ARSJ: variants seen among roughly 807,000 people sequenced by gnomAD.
The protein encoded by ARSJ is arylsulfatase family member J.
ARSJ carries 26 observed loss-of-function variants against 35.9 expected under a neutral mutation model. The ratio of observed to expected loss-of-function variants is 0.72; its 90% CI spans 0.53 to 1.00. The LOEUF (loss-of-function observed/expected upper bound fraction) is 1.00, where lower values mean the gene tolerates loss of function less well. Among genes scored for constraint, ARSJ ranks in the 50% least tolerant of loss-of-function variants. The pLI is 0.00. For synonymous variants in ARSJ, 294 were observed against 267.6 expected, an observed-to-expected ratio of 1.10 and a Z score of -0.96; for missense variants, 667 against 723.6, an observed-to-expected ratio of 0.92 and a Z score of 0.90.
At chr4:113,965,195 A>G (rs984625142) in intron 1 of ARSJ, among the ~76,000 whole-genome samples, 2 of 152,166 alleles carry the variant, frequency 1.3e-5, no homozygotes, top group African/African-American at 4.8e-5. Flanking sequence ...TAATTTATAT[A>G]TGAAACAAAT....
chr4:113,974,345 A>G (rs1307222919), intron 1 of ARSJ, among the ~76,000 whole-genome samples: 1 of 152,052 alleles, frequency 6.6e-6, no homozygotes, highest in Non-Finnish European at 1.5e-5. Context: ...CAAAACCACT[A>G]AAAAACATAC....
At chr4:113,971,100 T>G (rs1727218224) in intron 1 of ARSJ, 1 of 152,050 alleles carries the variant, frequency 6.6e-6, no homozygotes, top group Non-Finnish European at 1.5e-5. Flanking sequence ...ACTGGGAATA[T>G]AACTAGAATT....
At chr4:113,968,143 A>G (rs757246558) in intron 1 of ARSJ, among the ~76,000 whole-genome samples, 1 of 152,168 alleles carries the variant, frequency 6.6e-6, no homozygotes. Flanking sequence ...TAATCCTCAT[A>G]ATAACCCCAT....
In ARSJ at chr4:113,903,675, C is replaced by A. The variant is rs1484051143; in HGVS notation, c.399G>T (p.Lys133Asn). 2.5e-6 allele frequency: 4 copies of A among 1,594,006 alleles called. No individual in the cohort carries two copies. In the African/African-American group the frequency reaches 5.4e-5, roughly 22 times the overall value. ...GTTGAAGTCCGGTGTGTATCTGATA[C>A]CTTAAGAAAAGAGAAAAAAATTGTT... is the stretch of plus-strand genomic sequence containing the variant. Reference protein sequence around the residue: ...TPSRSQFITGKYQIHTGLQHS... With the variant: ...TPSRSQFITGNYQIHTGLQHS... Residue 133 changes from lysine (K) to asparagine (N), a missense_variant and splice_region_variant, in exon 2 of 2, where the codon AAG (lysine) becomes AAT (asparagine). Coordinates refer to ENST00000315366, the MANE Select transcript of ARSJ (RefSeq NM_024590.4).
At position 113,951,458 on chromosome 4, in the gene ARSJ, G is replaced by A. The variant is rs138355797; in HGVS notation, c.398+26979C>T. ...TAATCCTTCAGATGTGGTCTGGACA[G>A]TGTAAAGTTCAATGGGACTACTCCC... On this transcript the variant is annotated intron_variant, in intron 1 of 1. Coordinates refer to ENST00000315366, the MANE Select transcript of ARSJ (RefSeq NM_024590.4). Among the ~76,000 whole-genome samples the A allele has an allele frequency of 1.7e-4, 26 of 152,156 alleles. No individual in the cohort carries two copies. The East Asian group carries it at 4.3e-3, about 25-fold the overall frequency.
At chr4:113,958,422 T>C (rs1005130585) in intron 1 of ARSJ, among the ~76,000 whole-genome samples, 8 of 152,068 alleles carry the variant, frequency 5.3e-5, no homozygotes, top group African/African-American at 1.7e-4. Context: ...AAAGACAGCA[T>C]GGTGTCTAAT....
chr4:113,915,220 CTT>C (rs1192107072), intron 1 of ARSJ, among the ~76,000 whole-genome samples: 1 of 152,212 alleles, frequency 6.6e-6, no homozygotes, highest in Non-Finnish European at 1.5e-5. Context: ...TTATTAGTGT[CTT>C]TTCTAAATTC....
At chr4:113,976,017 C>T (rs1029014726) in intron 1 of ARSJ, among the ~76,000 whole-genome samples, 1 of 152,114 alleles carries the variant, frequency 6.6e-6, no homozygotes, top group African/African-American at 2.4e-5. Context: ...GGGGTCTGTA[C>T]ACATGAACGC....
At chr4:113,970,214 T>A (rs911107316) in intron 1 of ARSJ, among the ~76,000 whole-genome samples, 2 of 152,138 alleles carry the variant, frequency 1.3e-5, no homozygotes, top group African/African-American at 4.8e-5. Flanking sequence ...GAGTAGAGTT[T>A]GAAGGTAGAA....
intron 1 of ARSJ, among the ~76,000 whole-genome samples, chr4:113,950,304 T>A (rs1023435285): frequency 1.3e-5 from 2 of 152,048 alleles, no homozygotes; most frequent in Non-Finnish European, 2.9e-5. Flanking sequence ...CCCTTCCTTT[T>A]ATGCTCCCCT....
At chr4:113,951,622 C>T (rs1725869284) in intron 1 of ARSJ, among the ~76,000 whole-genome samples, 1 of 152,064 alleles carries the variant, frequency 6.6e-6, no homozygotes, top group East Asian at 1.9e-4. Context: ...TGTTCTTAAG[C>T]CAGTTGTCCT....
chr4:113,969,943 C>T (rs558215839), intron 1 of ARSJ, among the ~76,000 whole-genome samples: 10 of 152,264 alleles, frequency 6.6e-5, no homozygotes, highest in Middle Eastern at 3.4e-3. Flanking sequence ...TCAGTAATAG[C>T]TGTGAAGGAG....
At chr4:113,964,900 A>G (rs1726792938) in intron 1 of ARSJ, among the ~76,000 whole-genome samples, 1 of 152,258 alleles carries the variant, frequency 6.6e-6, no homozygotes, top group Non-Finnish European at 1.5e-5. Context: ...TACATCTTAC[A>G]GTCCTAAATA....
chr4:113,913,985 A>AT (rs1236380066), intron 1 of ARSJ, among the ~76,000 whole-genome samples: 1 of 151,984 alleles, frequency 6.6e-6, no homozygotes, highest in East Asian at 1.9e-4. Context: ...TTATTTATTT[A>AT]TTTTTTGAGA....
chr4:113,978,699 A>C lies in ARSJ; in HGVS notation c.136T>G (p.Trp46Gly). The change falls in exon 1 of 2, where the codon TGG (tryptophan) becomes GGG (glycine). Residue 46 changes from tryptophan to glycine, a missense_variant. Physicochemically the swap from Trp to Gly is radical, Grantham distance 184 (BLOSUM62 -2). Coordinates refer to ENST00000315366, the MANE Select transcript of ARSJ (RefSeq NM_024590.4). ...LCLLTYGYLS[W>G]GQALEEEEEG... Reference sequence around the variant, plus strand: ...TCCTCCTCTTCTAAGGCCTGGCCCCAGGACAGGTAACCATAAGTGAGGAGG... The same window carrying C: ...TCCTCCTCTTCTAAGGCCTGGCCCCCGGACAGGTAACCATAAGTGAGGAGG... 2 of 1,614,228 alleles carry C rather than the reference A, an allele frequency of 1.2e-6. No individual in the cohort carries two copies. Among genetic ancestry groups the C allele is most frequent in the Non-Finnish European group, 1.7e-6 (2 of 1,180,038 alleles).
At chr4:113,943,350 T>C (rs1363096192) in intron 1 of ARSJ, 2 of 152,062 alleles carry the variant, frequency 1.3e-5, no homozygotes, top group African/African-American at 2.4e-5. Context: ...ATGACTGCCC[T>C]GAGTACCATT....
intron 1 of ARSJ, chr4:113,946,335 T>C (rs1725482375): frequency 6.6e-6 from 1 of 152,052 alleles, no homozygotes; most frequent in Non-Finnish European, 1.5e-5. Context: ...AAGACAATGA[T>C]GCAGGCACAC....
rs770822624 is a variant in ARSJ at position 113,978,516 on chromosome 4, C to T, written c.319G>A (p.Ala107Thr). ...EIKTPTLDKL[A>T]AEGVKLENYY... The stretch of plus-strand genomic sequence containing the variant: ...TTCTCCAGTTTAACTCCTTCGGCAG[C>T]GAGCTTGTCAAGAGTAGGTGTTTTA... The change falls in exon 1 of 2, where the codon GCT becomes ACT. Residue 107 changes from alanine (A) to threonine (T), a missense_variant. Ala to Thr is a moderately conservative substitution (Grantham distance 58). Transcript: ENST00000315366. 1.9e-6 allele frequency: 3 copies of T among 1,614,082 alleles called. No homozygotes were observed. The highest frequency in any genetic ancestry group is 2.2e-5 in the East Asian group (1 of 44,888).
chr4:113,935,366 T>G (rs1724700303), intron 1 of ARSJ, among the ~76,000 whole-genome samples: 1 of 151,912 alleles, frequency 6.6e-6, no homozygotes, highest in Admixed American at 6.6e-5. Context: ...ATTGAGCAAC[T>G]TCTGTGAGTA....
Sources: gnomAD v4.1 joint callset for allele counts (sites outside exome capture counted in the v4.1 genomes callset) on GRCh38, gnomAD v4.1.1 for gene constraint, MANE v1.5 for transcripts, NCBI Gene and HGNC (gene_info 2026-07-23, HGNC 2026-07-21) for gene names.